ATP12A: variants seen among roughly 807,000 people sequenced by gnomAD.
The protein encoded by ATP12A is ATPase H+/K+ transporting non-gastric alpha2 subunit, also known as potassium-transporting ATPase alpha chain 2.
A neutral mutation model predicts 111.2 loss-of-function variants in ATP12A; 81 were observed. The ratio of observed to expected loss-of-function variants is 0.73; its 90% CI spans 0.61 to 0.88. The LOEUF is 0.88. Among genes scored for constraint, ATP12A ranks in the 40% least tolerant of loss-of-function variants. The pLI is 0.00. For missense variants in ATP12A, 1,196 were observed against 1,313.1 expected (o/e 0.91, Z 1.38); for synonymous variants, 498 against 499.8 (o/e 1.00, Z 0.05).
chr13:24,694,372 T>C, intron 10 of ATP12A, 72 bp from the exon 11 acceptor site: 1 of 1,581,004 alleles, frequency 6.3e-7, no homozygotes, highest in Non-Finnish European at 8.6e-7. Context: ...AGGGTGTGTT[T>C]TGGGTCCTAT....
chr13:24,691,126 T>A lies in ATP12A; in HGVS notation c.944T>A (p.Val315Asp). The A allele has an allele frequency of 1.9e-6, 3 of 1,614,154 alleles. No homozygotes were observed. In the East Asian group the frequency reaches 6.7e-5, roughly 36 times the overall value. The change falls in exon 8 of 23, where the codon GTC becomes GAC. Residue 315 changes from valine (V) to aspartate (D), a missense_variant. Val to Asp is a radical substitution (Grantham distance 152). Coordinates refer to ENST00000381946, the MANE Select transcript of ATP12A (RefSeq NM_001676.7). The stretch of plus-strand genomic sequence containing the variant: ...GTTCACATTGTGGCAGGAGTGGCTG[T>A]CTCCATCGGCATCCTTTTCTTCATC... ...HFVHIVAGVA[V>D]SIGILFFIIA... is the part of the protein sequence containing the mutation.
chr13:24,709,247 C>T, intron 17 of ATP12A, 117 bp from the exon 18 acceptor site: 1 of 1,193,070 alleles, frequency 8.4e-7, no homozygotes, highest in Non-Finnish European at 1.2e-6. Context: ...CTGGATGGGC[C>T]AGCTCCATGC....
At chr13:24,701,385 C>T (rs930839998) in intron 13 of ATP12A, among the ~76,000 whole-genome samples, 11 of 151,634 alleles carry the variant, frequency 7.3e-5, no homozygotes, top group Middle Eastern at 3.4e-3. Flanking sequence ...CCTGTAATCC[C>T]AGCTACTCGG....
In ATP12A at chr13:24,685,203, C is replaced by G. The variant is rs1031272021; in HGVS notation, c.169-111C>G. ...CTCCTGTCCCCCACACTCCTCGATC[C>G]CCTCCCATCCTCAGGGCTGCTACTC... On this transcript the variant is annotated intron_variant, in intron 2 of 22. Transcript: ENST00000381946. The surrounding 1 kb of genome is among the most constrained non-coding windows in gnomAD (Gnocchi z 5.5). The G allele has an allele frequency of 1.0e-6, 1 of 994,350 alleles. No individual in the cohort carries two copies. The highest frequency in any genetic ancestry group is 1.6e-6 in the Non-Finnish European group (1 of 626,674). The allele number at this position is 994,350 out of a possible 1,614,324, so 61.6% of individuals were successfully genotyped here.
rs1462067021 is a variant in ATP12A, at chr13:24,692,770, C to G, written c.1268-17C>G. 1.9e-6 allele frequency: 3 copies of G among 1,612,564 alleles called. No individual in the cohort carries two copies. The African/African-American group carries it at 4.0e-5, about 22-fold the overall frequency. On this transcript the variant is annotated splice_polypyrimidine_tract_variant and intron_variant, in intron 9 of 22. Transcript: ENST00000381946. ...AGCCCAACCCACAGCAGCCACTGTT[C>G]TTTCTCTGTCTTCCAGACCAAGTCT...
chr13:24,693,047 T>A, intron 10 of ATP12A, 151 bp downstream of exon 10: 1 of 670,164 alleles, frequency 1.5e-6, no homozygotes, highest in South Asian at 2.0e-5. Context: ...ATCCAGAAAT[T>A]TTTCTTTATG....
chr13:24,690,992 C>T lies in ATP12A; in HGVS notation c.810C>T (p.Thr270=), dbSNP rs535987765. The stretch of plus-strand genomic sequence containing the variant: ...CTACTTCCCCTGTAGGCACTGTCAC[C>T]GGCATGGTTATCAACACGGGTGACC... ...YSTTCLEGTV[T]GMVINTGDRT... The change falls in exon 8 of 23, where the codon ACC becomes ACT. Residue 270 remains threonine (T), a synonymous_variant. Transcript: ENST00000381946. The T allele has an allele frequency of 1.9e-5, 30 of 1,614,164 alleles. No homozygotes were observed. Among genetic ancestry groups the T allele is most frequent in the Admixed American group, 5.0e-5 (3 of 60,030 alleles).
intron 17 of ATP12A, among the ~76,000 whole-genome samples, 174 bp from the exon 18 acceptor site, chr13:24,709,190 T>C (rs1875844297): frequency 6.6e-6 from 1 of 152,180 alleles, no homozygotes; most frequent in Admixed American, 6.5e-5. Context: ...CTAAAGGCAC[T>C]ATTCTTAAAT....
At chr13:24,708,347 A>G (rs764004766) in intron 17 of ATP12A, among the ~76,000 whole-genome samples, 63 of 152,348 alleles carry the variant, frequency 4.1e-4, no homozygotes, top group Admixed American at 1.1e-3. Flanking sequence ...AATTCTTAGC[A>G]GGAAACTGGC....
chr13:24,690,805 C>G (rs1874860875), intron 7 of ATP12A, 84 bp downstream of exon 7: 2 of 1,455,026 alleles, frequency 1.4e-6, no homozygotes, highest in Non-Finnish European at 1.9e-6. Context: ...TTTGCCACAC[C>G]CCGTTACAAA....
intron 3 of ATP12A, among the ~76,000 whole-genome samples, chr13:24,687,205 A>G (rs986282273): frequency 2.6e-5 from 4 of 152,158 alleles, no homozygotes; most frequent in African/African-American, 9.7e-5. Context: ...TTAGGTCTGT[A>G]ATCATAGCAC....
intron 15 of ATP12A, 146 bp downstream of exon 15, chr13:24,706,609 A>AC: frequency 8.1e-7 from 1 of 1,227,554 alleles, no homozygotes; most frequent in Non-Finnish European, 1.1e-6. Context: ...GACCTCTCCA[A>AC]CCTCTCAGGT....
intron 17 of ATP12A, among the ~76,000 whole-genome samples, chr13:24,708,681 C>T (rs61948108): frequency 0.093 from 14,091 of 151,664 alleles, 740 homozygotes; most frequent in Middle Eastern, 0.18. Context: ...TTGAGTCCAG[C>T]CTGGTCAACA....
Position 24,698,711 on chromosome 13 carries a change from G to A in ATP12A, c.1566G>A (p.Met522Ile), listed in dbSNP as rs750660820. The change falls in exon 12 of 23, where the codon ATG (methionine) becomes ATA (isoleucine). Residue 522 changes from methionine (M) to isoleucine (I), a missense_variant. This residue lies in a region of ATP12A where 1,126 missense variants were observed against 1,228.5 expected (regional missense o/e 0.92). Coordinates refer to ENST00000381946, the MANE Select transcript of ATP12A (RefSeq NM_001676.7). ...DPHGKRFLMV[M>I]KGAPERILEK... The stretch of plus-strand genomic sequence containing the variant: ...ACGGCAAGCGCTTCCTCATGGTGAT[G>A]AAGGGGGCCCCTGAGCGCATCCTAG... The A allele has an allele frequency of 1.2e-6, 2 of 1,613,896 alleles. No homozygotes were observed. Among genetic ancestry groups the A allele is most frequent in the Non-Finnish European group, 1.7e-6 (2 of 1,180,032 alleles).
chr13:24,697,531 T>C (rs1261306593), intron 11 of ATP12A, among the ~76,000 whole-genome samples: 1 of 151,640 alleles, frequency 6.6e-6, no homozygotes, highest in Non-Finnish European at 1.5e-5. Context: ...TCCCAGCTAC[T>C]TGGGAGGCTG....
intron 16 of ATP12A, 36 bp from the exon 17 acceptor site, chr13:24,707,243 A>C: frequency 6.2e-7 from 1 of 1,613,834 alleles, no homozygotes. Flanking sequence ...CTGGGGGACT[A>C]GAAGTAAGTT....
chr13:24,688,392 C>T lies in ATP12A; in HGVS notation c.302C>T (p.Thr101Met), dbSNP rs146927457. 1.9e-4 allele frequency: 313 copies of T among 1,614,064 alleles called. No individual in the cohort carries two copies. The highest frequency in any genetic ancestry group is 4.9e-4 in the Middle Eastern group (3 of 6,084). The change falls in exon 4 of 23, where the codon ACG (threonine) becomes ATG (methionine). Residue 101 changes from threonine to methionine, a missense_variant. By Grantham distance (81) the Thr-to-Met change is moderately conservative. This residue lies in a region of ATP12A where 1,126 missense variants were observed against 1,228.5 expected (regional missense o/e 0.92). Transcript: ENST00000381946. ...AACTCCCTCACCCCTCCCAAGCAGA[C>T]GCCTGAGATCGTCAAGTTCCTCAAG... ...GPNSLTPPKQTPEIVKFLKQM... is the reference protein window; with the variant it reads ...GPNSLTPPKQMPEIVKFLKQM...
chr13:24,698,117 C>G (rs724327), intron 11 of ATP12A, among the ~76,000 whole-genome samples: 5,957 of 152,060 alleles, frequency 0.039, 171 homozygotes, highest in South Asian at 0.12. Flanking sequence ...AATGGAGACT[C>G]CTGTGACTCG....
In ATP12A at chr13:24,680,646, C is replaced by A; in HGVS notation, c.-98C>A. ...CCACCGCCAACACCTCAGCCACTGC[C>A]ACTGCCACAGCCACACGAGGCCCCC... On this transcript the variant is annotated 5_prime_UTR_variant, in exon 1 of 23. Transcript: ENST00000381946. 1 of 1,404,016 alleles carries A rather than the reference C, an allele frequency of 7.1e-7. No individual in the cohort carries two copies. The highest frequency in any genetic ancestry group is 1.5e-5 in the African/African-American group (1 of 66,630). The allele number at this position is 1,404,016 out of a possible 1,614,324, so 87.0% of individuals were successfully genotyped here.
Sources: allele counts gnomAD v4.1 joint callset (sites outside exome capture counted in the v4.1 genomes callset), GRCh38; gene constraint gnomAD v4.1.1; regional missense constraint gnomAD v4.1.1; non-coding constraint Gnocchi (gnomAD v3.1); transcripts MANE v1.5; gene names NCBI Gene and HGNC (gene_info 2026-07-23, HGNC 2026-07-21).